NUP205: variants seen among roughly 807,000 people sequenced by gnomAD.
The protein encoded by NUP205 is nucleoporin 205.
A neutral mutation model predicts 253.8 loss-of-function variants in NUP205; 76 were observed. The observed-to-expected ratio is 0.30, with a 90% confidence interval of 0.25 to 0.36. The LOEUF (loss-of-function observed/expected upper bound fraction) is 0.36, where lower values mean the gene tolerates loss of function less well. Among genes scored for constraint, NUP205 ranks in the 10% least tolerant of loss-of-function variants. The pLI is 1.00. For synonymous variants in NUP205, 832 were observed against 850.1 expected, an observed-to-expected ratio of 0.98 and a Z score of 0.37; for missense variants, 2,162 against 2,425.5, an observed-to-expected ratio of 0.89 and a Z score of 2.28.
intron 1 of NUP205, among the ~76,000 whole-genome samples, chr7:135,570,814 T>TATAA (rs1253120803): frequency 1.9e-5 from 2 of 106,672 alleles, no homozygotes; most frequent in South Asian, 2.6e-4. Flanking sequence ...TATATATTAA[T>TATAA]TATATTAATA....
chr7:135,583,865 C>T (rs1327173567), intron 7 of NUP205, among the ~76,000 whole-genome samples: 5 of 135,724 alleles, frequency 3.7e-5, no homozygotes, highest in East Asian at 2.1e-4. Flanking sequence ...TTTTTTGAGA[C>T]GGAGTTTTGC....
At chr7:135,630,110 C>T (rs939476071) in intron 34 of NUP205, among the ~76,000 whole-genome samples, 7 of 152,050 alleles carry the variant, frequency 4.6e-5, no homozygotes, top group Non-Finnish European at 7.4e-5. Context: ...ATCCTTTAGT[C>T]TTGTGAATTT....
intron 31 of NUP205, among the ~76,000 whole-genome samples, chr7:135,624,446 G>A (rs1794539398): frequency 2.0e-5 from 3 of 151,906 alleles, no homozygotes; most frequent in Admixed American, 6.6e-5. Flanking sequence ...GCACGATCTC[G>A]GCTCACTGCA....
intron 24 of NUP205, 69 bp from the exon 25 acceptor site, chr7:135,616,586 A>T: frequency 2.1e-6 from 2 of 933,820 alleles, no homozygotes; most frequent in Non-Finnish European, 3.2e-6. Context: ...TGTGTTTGTT[A>T]TTTCCAAATA....
At chr7:135,580,308 T>C (rs902463178) in intron 7 of NUP205, among the ~76,000 whole-genome samples, 15 of 152,362 alleles carry the variant, frequency 9.8e-5, no homozygotes, top group African/African-American at 3.6e-4. Flanking sequence ...GTCTGTCATC[T>C]ATATATCTAA....
Position 135,626,372 on chromosome 7 carries a change from G to T in NUP205, c.4793+11G>T. The T allele has an allele frequency of 1.2e-6, 2 of 1,611,186 alleles. No individual in the cohort carries two copies. The highest frequency in any genetic ancestry group is 1.7e-6 in the Non-Finnish European group (2 of 1,179,228). On this transcript the variant is annotated intron_variant, in intron 33 of 42. Coordinates refer to ENST00000285968, the MANE Select transcript of NUP205 (RefSeq NM_015135.3). ...AACGGACCCGCAGAGGTAAGTGTCT[G>T]TATAGATTAATTTGGTTAAACTCCC...
chr7:135,580,053 A>G (rs148227924), intron 7 of NUP205, among the ~76,000 whole-genome samples: 1 of 152,362 alleles, frequency 6.6e-6, no homozygotes, highest in Non-Finnish European at 1.5e-5. Context: ...TTCTAACAGA[A>G]TGAGAACCAT....
intron 35 of NUP205, among the ~76,000 whole-genome samples, chr7:135,632,950 ATTTG>A (rs1401906536): frequency 6.6e-6 from 1 of 151,206 alleles, no homozygotes; most frequent in Non-Finnish European, 1.5e-5. Flanking sequence ...CCCTTGTTTT[ATTTG>A]TTTGTTTGTT....
intron 16 of NUP205, 139 bp downstream of exon 16, chr7:135,601,108 T>A: frequency 1.7e-6 from 1 of 602,510 alleles, no homozygotes; most frequent in East Asian, 2.9e-5. Flanking sequence ...TCATTTTAAT[T>A]TTTCTGTTCA....
intron 15 of NUP205, among the ~76,000 whole-genome samples, chr7:135,599,898 A>T (rs1307794965): frequency 6.6e-6 from 1 of 152,208 alleles, no homozygotes; most frequent in Non-Finnish European, 1.5e-5. Flanking sequence ...GTTAGAGGCA[A>T]TTGGTATGTT....
intron 1 of NUP205, among the ~76,000 whole-genome samples, chr7:135,570,050 T>TAGAGAG (rs768445558): frequency 9.8e-4 from 87 of 88,906 alleles, no homozygotes; most frequent in Middle Eastern, 6.3e-3. Context: ...TATATATATA[T>TAGAGAG]ATAGAGAGAG....
At chr7:135,558,925 C>T (rs1354654735) in intron 1 of NUP205, among the ~76,000 whole-genome samples, 1 of 152,136 alleles carries the variant, frequency 6.6e-6, no homozygotes, top group Non-Finnish European at 1.5e-5. Flanking sequence ...GACTGATATT[C>T]TTGAAAAGTT....
intron 20 of NUP205, 35 bp from the exon 21 acceptor site, chr7:135,606,716 G>C (rs1794092711): frequency 6.4e-7 from 1 of 1,571,836 alleles, no homozygotes; most frequent in Admixed American, 1.7e-5. Context: ...ACTTTCCACT[G>C]TTTTGTAATT....
At chr7:135,622,028 T>C (rs921323837) in intron 30 of NUP205, among the ~76,000 whole-genome samples, 1 of 150,970 alleles carries the variant, frequency 6.6e-6, no homozygotes, top group Non-Finnish European at 1.5e-5. Context: ...GGTTTTGAAC[T>C]CCTGTCCTCA....
At chr7:135,624,399 CAG>C (rs1167679495) in intron 31 of NUP205, among the ~76,000 whole-genome samples, 1 of 151,476 alleles carries the variant, frequency 6.6e-6, no homozygotes, top group Non-Finnish European at 1.5e-5. Context: ...TTTTTTGAGA[CAG>C]AGTCTCGCTT....
intron 40 of NUP205, 143 bp from the exon 41 acceptor site, chr7:135,645,324 CT>C: frequency 1.1e-6 from 1 of 905,108 alleles, no homozygotes; most frequent in South Asian, 1.7e-5. Context: ...CTTGAGGAGC[CT>C]TCAGTGAGAC....
At chr7:135,632,826 T>C (rs2129492177) in intron 35 of NUP205, among the ~76,000 whole-genome samples, 1 of 152,320 alleles carries the variant, frequency 6.6e-6, no homozygotes, top group African/African-American at 2.4e-5. Context: ...ACTCTCAATG[T>C]ACTTCTGTAA....
chr7:135,599,007 TG>T (rs2129490467), intron 15 of NUP205: 1 of 152,292 alleles, frequency 6.6e-6, no homozygotes, highest in Non-Finnish European at 1.5e-5. Context: ...TGCTTTATTT[TG>T]GTAGTTGGCG....
chr7:135,565,856 T>C (rs1805743292), intron 1 of NUP205, among the ~76,000 whole-genome samples: 3 of 152,194 alleles, frequency 2.0e-5, no homozygotes, highest in Admixed American at 6.6e-5. Context: ...AAAAATTCCA[T>C]CATGGCCCTG....
Sources: gnomAD v4.1 joint callset for allele counts (sites outside exome capture counted in the v4.1 genomes callset) on GRCh38, gnomAD v4.1.1 for gene constraint, MANE v1.5 for transcripts, NCBI Gene and HGNC (gene_info 2026-07-23, HGNC 2026-07-21) for gene names.